Variants in SUCLG1 observed in about 807,000 individuals in gnomAD.
The protein encoded by SUCLG1 is succinate-CoA ligase GDP/ADP-forming subunit alpha.
In SUCLG1, 26 loss-of-function variants were observed where a neutral mutation model predicts 37.3. The observed-to-expected ratio is 0.70, with a 90% CI of 0.51 to 0.97. The LOEUF (loss-of-function observed/expected upper bound fraction) is 0.97. SUCLG1 is among the 50% of genes least tolerant of loss of function. The probability of loss-of-function intolerance (pLI) is 0.00; values close to 1 mark genes in which losing one functional copy is unlikely to be tolerated. For missense variants in SUCLG1, 433 were observed against 432.9 expected (o/e 1.00, Z 0.00); for synonymous variants, 163 against 155.6 (o/e 1.05, Z -0.36).
At chr2:84,448,589 G>A (rs1407904040) in intron 2 of SUCLG1, among the ~76,000 whole-genome samples, 1 of 149,538 alleles carries the variant, frequency 6.7e-6, no homozygotes, top group African/African-American at 2.5e-5. Context: ...AATAAAAAAA[G>A]GGATACTTTG....
chr2:84,433,413 G>T lies in SUCLG1; in HGVS notation c.612C>A (p.Thr204=). ...TTTGGTGAACTGCTTCATAAGTCAG[G>T]GTGCCAGATCTGGACACAATGCCTT... ...GRIGIVSRSG[T]LTYEAVHQTT... Residue 204 remains threonine (T), a synonymous_variant, in exon 6 of 9, where the codon ACC becomes ACA. Transcript: ENST00000393868. 6.2e-7 allele frequency: 1 copy of T among 1,613,796 alleles called. No individual in the cohort carries two copies. The highest frequency in any genetic ancestry group is 8.5e-7 in the Non-Finnish European group (1 of 1,179,872).
chr2:84,425,783 T>C (rs1672528675), intron 7 of SUCLG1, 180 bp from the exon 8 acceptor site: 4 of 673,588 alleles, frequency 5.9e-6, no homozygotes, highest in Non-Finnish European at 1.0e-5. Context: ...CTCCTTTGAG[T>C]TAACTTTCCA....
intron 2 of SUCLG1, among the ~76,000 whole-genome samples, chr2:84,444,336 G>T (rs1672816298): frequency 6.6e-6 from 1 of 152,198 alleles, no homozygotes; most frequent in African/African-American, 2.4e-5. Context: ...AAATTTTAAA[G>T]CTGGGTGTCC....
At chr2:84,451,099 C>T (rs1258437696) in intron 1 of SUCLG1, among the ~76,000 whole-genome samples, 1 of 152,142 alleles carries the variant, frequency 6.6e-6, no homozygotes, top group African/African-American at 2.4e-5. Context: ...TGCAGCACAG[C>T]CCACCCTTGC....
chr2:84,434,122 A>G (rs1206235552), intron 5 of SUCLG1, among the ~76,000 whole-genome samples: 2 of 152,190 alleles, frequency 1.3e-5, no homozygotes, highest in Non-Finnish European at 1.5e-5. Flanking sequence ...AGCACCATGC[A>G]TGTATAGCCT....
chr2:84,424,772 A>C (rs970771212), intron 8 of SUCLG1, among the ~76,000 whole-genome samples: 4 of 152,196 alleles, frequency 2.6e-5, no homozygotes, highest in African/African-American at 4.8e-5. Context: ...GCTGAAAATC[A>C]GTGCAAAGAG....
In SUCLG1 at chr2:84,423,648, C is replaced by A. The variant is rs976162090; in HGVS notation, c.*98G>T. ...GTTGTACTGCAAGACCAGTGTCAGG[C>A]ACATAGGCTGATTAATCAGTGGACA... On this transcript the variant is annotated 3_prime_UTR_variant, in exon 9 of 9. Transcript: ENST00000393868. 2 of 1,228,338 alleles carry A rather than the reference C, an allele frequency of 1.6e-6. No individual in the cohort carries two copies. The highest frequency in any genetic ancestry group is 2.4e-6 in the Non-Finnish European group (2 of 849,066). The allele number at this position is 1,228,338 out of a possible 1,614,324, so 76.1% of individuals were successfully genotyped here. A position where few individuals can be genotyped will look rare whatever the true frequency, so the allele number is the denominator to read the frequency against.
intron 7 of SUCLG1, among the ~76,000 whole-genome samples, 178 bp downstream of exon 7, chr2:84,431,330 G>A (rs1172719314): frequency 2.6e-5 from 4 of 152,156 alleles, no homozygotes; most frequent in Non-Finnish European, 4.4e-5. Flanking sequence ...GAGAAGCAGA[G>A]AATCAACCCA....
chr2:84,428,837 TC>T (rs1161172155), intron 7 of SUCLG1, among the ~76,000 whole-genome samples: 2 of 152,194 alleles, frequency 1.3e-5, no homozygotes, highest in African/African-American at 4.8e-5. Context: ...TGTCCTTAAC[TC>T]CTTCAATCTG....
chr2:84,440,817 A>T (rs950740235), intron 5 of SUCLG1, among the ~76,000 whole-genome samples: 1 of 152,184 alleles, frequency 6.6e-6, no homozygotes, highest in Admixed American at 6.5e-5. Flanking sequence ...AAAATCTTTA[A>T]ACTCCCACCA....
intron 5 of SUCLG1, among the ~76,000 whole-genome samples, chr2:84,439,115 G>A (rs1423052671): frequency 1.3e-5 from 2 of 151,590 alleles, no homozygotes; most frequent in Non-Finnish European, 2.9e-5. Context: ...CGGCTTCATT[G>A]AAGTCAGCGA....
At chr2:84,453,555 T>C (rs1393964429) in intron 1 of SUCLG1, among the ~76,000 whole-genome samples, 2 of 152,022 alleles carry the variant, frequency 1.3e-5, no homozygotes, top group Non-Finnish European at 2.9e-5. Flanking sequence ...TCTGGGACTA[T>C]AGGCCCACAT....
At chr2:84,445,714 T>TC (rs775424951) in intron 2 of SUCLG1, among the ~76,000 whole-genome samples, 1 of 152,150 alleles carries the variant, frequency 6.6e-6, no homozygotes, top group Non-Finnish European at 1.5e-5. Flanking sequence ...TGACAACTCC[T>TC]CCCCCTTCTA....
intron 5 of SUCLG1, among the ~76,000 whole-genome samples, chr2:84,437,265 G>A (rs1312771043): frequency 1.3e-5 from 2 of 152,042 alleles, no homozygotes; most frequent in Admixed American, 1.3e-4. Flanking sequence ...ATATGAAAAA[G>A]TAAACTGGAT....
chr2:84,449,641 A>T lies in SUCLG1; in HGVS notation c.201+8T>A, dbSNP rs764185628. 7.7e-6 allele frequency: 12 copies of T among 1,556,698 alleles called. No individual in the cohort carries two copies. Among genetic ancestry groups the T allele is most frequent in the Middle Eastern group, 3.4e-4 (2 of 5,824 alleles). On this transcript the variant is annotated splice_region_variant and intron_variant, in intron 2 of 8. Coordinates refer to ENST00000393868, the MANE Select transcript of SUCLG1 (RefSeq NM_003849.4). ...TACATTTGAAAATAAAAATCTAGAT[A>T]TACATACCTGTTTGCCAGTGAAACC...
chr2:84,437,609 A>G (rs1672707335), intron 5 of SUCLG1, among the ~76,000 whole-genome samples: 1 of 152,230 alleles, frequency 6.6e-6, no homozygotes, highest in African/African-American at 2.4e-5. Context: ...TGGCACAGCT[A>G]CACTGGATAG....
intron 1 of SUCLG1, among the ~76,000 whole-genome samples, chr2:84,458,090 C>T (rs551874633): frequency 6.6e-6 from 1 of 151,648 alleles, no homozygotes; most frequent in African/African-American, 2.4e-5. Context: ...TTGTTACATA[C>T]GAGATGCTTT....
At chr2:84,432,776 G>A (rs1672630146) in intron 6 of SUCLG1, 2 of 152,220 alleles carry the variant, frequency 1.3e-5, no homozygotes, top group Non-Finnish European at 2.9e-5. Flanking sequence ...AATTTGCCTT[G>A]GCTTTTGGCA....
chr2:84,446,826 T>C (rs1672859397), intron 2 of SUCLG1, among the ~76,000 whole-genome samples: 1 of 152,252 alleles, frequency 6.6e-6, no homozygotes, highest in Non-Finnish European at 1.5e-5. Flanking sequence ...TATAAAAATA[T>C]TGATCTACAT....
Sources: gnomAD v4.1 joint callset for allele counts (sites outside exome capture counted in the v4.1 genomes callset) on GRCh38, gnomAD v4.1.1 for gene constraint, MANE v1.5 for transcripts, NCBI Gene and HGNC (gene_info 2026-07-23, HGNC 2026-07-21) for gene names.